Variants in PCSK5 observed in about 807,000 individuals in gnomAD.
The protein encoded by PCSK5 is proprotein convertase subtilisin/kexin type 5.
A neutral mutation model predicts 233.2 loss-of-function variants in PCSK5; 129 were observed. That is an observed-to-expected ratio of 0.55 (90% CI 0.48 to 0.64). The LOEUF (loss-of-function observed/expected upper bound fraction) is 0.64, where lower values mean the gene tolerates loss of function less well. PCSK5 is among the 30% of genes least tolerant of loss of function. PCSK5 has a pLI of 0.00. For synonymous variants in PCSK5, 825 were observed against 879.2 expected, an observed-to-expected ratio of 0.94 and a Z score of 1.09; for missense variants, 2,076 against 2,430.1, an observed-to-expected ratio of 0.85 and a Z score of 3.06.
chr9:76,073,069 T>C (rs1269590777), intron 7 of PCSK5, among the ~76,000 whole-genome samples: 1 of 152,234 alleles, frequency 6.6e-6, no homozygotes, highest in Non-Finnish European at 1.5e-5. Flanking sequence ...CATTGCATTC[T>C]AGTGAGTATT....
chr9:75,922,127 T>A (rs1239440180), intron 1 of PCSK5, among the ~76,000 whole-genome samples: 1 of 152,186 alleles, frequency 6.6e-6, no homozygotes, highest in Non-Finnish European at 1.5e-5. Context: ...AATAGATGAA[T>A]GTCTGATAGT....
chr9:76,055,567 G>T lies in PCSK5; in HGVS notation c.633-12388G>T, dbSNP rs191391761. On this transcript the variant is annotated intron_variant, in intron 5 of 37. Coordinates refer to ENST00000674117, the MANE Select transcript of PCSK5 (RefSeq NM_001372043.1). ...AAAAATACAACTTAATTTTGTGGAG[G>T]TTCAGTAAAATATACTATCAAATAT... Among the ~76,000 whole-genome samples the T allele has an allele frequency of 2.0e-5, 3 of 152,062 alleles. No homozygotes were observed. In the East Asian group the frequency reaches 5.8e-4, roughly 29 times the overall value.
At chr9:76,039,871 A>G (rs142981981) in intron 5 of PCSK5, among the ~76,000 whole-genome samples, 213 of 152,326 alleles carry the variant, frequency 1.4e-3, no homozygotes, top group Middle Eastern at 0.01. Flanking sequence ...CAGCAGGGTC[A>G]TTATGTGTTT....
intron 30 of PCSK5, among the ~76,000 whole-genome samples, chr9:76,312,591 T>C (rs760536516): frequency 3.3e-5 from 5 of 151,732 alleles, no homozygotes; most frequent in East Asian, 1.9e-4. Flanking sequence ...ATAGACTCTA[T>C]AGAGTATAAA....
chr9:75,902,233 AAAAAAAAAAAGAAAAG>A (rs1275160973), intron 1 of PCSK5, among the ~76,000 whole-genome samples: 2 of 149,402 alleles, frequency 1.3e-5, no homozygotes, highest in African/African-American at 4.9e-5. Context: ...AAAAAAAAAA[AAAAAAAAAAAGAAAAG>A]GACAAAACAA....
At chr9:76,064,214 C>G (rs868306981) in intron 5 of PCSK5, among the ~76,000 whole-genome samples, 4,355 of 101,814 alleles carry the variant, frequency 0.043, 135 homozygotes, top group Non-Finnish European at 0.059. Flanking sequence ...CCGGACGGGG[C>G]GGCTGGCCGG....
intron 10 of PCSK5, among the ~76,000 whole-genome samples, chr9:76,156,288 C>G (rs1043730414): frequency 6.6e-6 from 1 of 152,144 alleles, no homozygotes; most frequent in Non-Finnish European, 1.5e-5. Context: ...GTTTCTGAGA[C>G]AGTTATGTCA....
chr9:76,155,864 G>A (rs1822552928), intron 10 of PCSK5, among the ~76,000 whole-genome samples: 1 of 152,148 alleles, frequency 6.6e-6, no homozygotes, highest in African/African-American at 2.4e-5. Context: ...AAAGAAAGAG[G>A]GGTTGTCAGG....
chr9:75,928,532 C>A lies in PCSK5; in HGVS notation c.193-3847C>A, dbSNP rs191982768. ...TGTTGAAAGAATATAAAAGATAATT[C>A]TCTTCAGTAAGGGACATGCATATTA... is the stretch of plus-strand genomic sequence containing the variant. On this transcript the variant is annotated intron_variant, in intron 1 of 37. Coordinates refer to ENST00000674117, the MANE Select transcript of PCSK5 (RefSeq NM_001372043.1). 4.3e-3 allele frequency among the ~76,000 whole-genome samples: 618 copies of A among 144,936 alleles called. 7 individuals are homozygous for A. The highest frequency in any genetic ancestry group is 0.014 in the African/African-American group (550 of 38,964).
intron 24 of PCSK5, among the ~76,000 whole-genome samples, chr9:76,266,798 C>A (rs1827346678): frequency 6.6e-6 from 1 of 152,110 alleles, no homozygotes; most frequent in Non-Finnish European, 1.5e-5. Context: ...TCTCTGGAAG[C>A]AAAGGAAACA....
At chr9:76,264,180 C>A (rs1384169987) in intron 24 of PCSK5, among the ~76,000 whole-genome samples, 1 of 152,088 alleles carries the variant, frequency 6.6e-6, no homozygotes, top group Non-Finnish European at 1.5e-5. Flanking sequence ...TGCTCTGCAA[C>A]AAAATTGACA....
At chr9:75,926,974 G>C (rs1429523560) in intron 1 of PCSK5, among the ~76,000 whole-genome samples, 2 of 152,036 alleles carry the variant, frequency 1.3e-5, no homozygotes, top group African/African-American at 2.4e-5. Flanking sequence ...AATTTCTTTT[G>C]GGTAAATACC....
At chr9:76,273,538 G>C (rs1176107066) in intron 24 of PCSK5, among the ~76,000 whole-genome samples, 1 of 142,476 alleles carries the variant, frequency 7.0e-6, no homozygotes, top group Non-Finnish European at 1.5e-5. Flanking sequence ...ACTGTGATGA[G>C]TCTTCTTATA....
chr9:76,006,859 C>A (rs1474922115), intron 3 of PCSK5, among the ~76,000 whole-genome samples: 1 of 152,174 alleles, frequency 6.6e-6, no homozygotes, highest in East Asian at 1.9e-4. Flanking sequence ...TTTTCCCCTG[C>A]AGGTAACCCT....
At chr9:76,334,604 G>T (rs899024860) in intron 34 of PCSK5, among the ~76,000 whole-genome samples, 14 of 152,164 alleles carry the variant, frequency 9.2e-5, no homozygotes, top group Admixed American at 9.2e-4. Context: ...GGTGGCACGT[G>T]CCTGTCATCC....
chr9:75,984,593 G>A (rs2131389902), intron 2 of PCSK5, among the ~76,000 whole-genome samples: 1 of 152,312 alleles, frequency 6.6e-6, no homozygotes, highest in East Asian at 1.9e-4. Flanking sequence ...AATAGTCTAA[G>A]TAATACAGTG....
At chr9:76,097,027 G>C (rs962757546) in intron 8 of PCSK5, among the ~76,000 whole-genome samples, 5 of 151,294 alleles carry the variant, frequency 3.3e-5, no homozygotes, top group African/African-American at 7.3e-5. Context: ...TGCCCCCCGG[G>C]TTCAAGTGAT....
At chr9:76,308,412 G>A (rs569611701) in intron 28 of PCSK5, among the ~76,000 whole-genome samples, 42 of 152,238 alleles carry the variant, frequency 2.8e-4, no homozygotes, top group Non-Finnish European at 5.0e-4. Context: ...CCACACATTC[G>A]TGTGGTATCT....
intron 3 of PCSK5, among the ~76,000 whole-genome samples, chr9:75,999,310 A>G (rs1263734938): frequency 6.6e-6 from 1 of 151,982 alleles, no homozygotes; most frequent in Non-Finnish European, 1.5e-5. Flanking sequence ...ACCCTAACCC[A>G]GCGGGGCTAG....
Sources: gnomAD v4.1 joint callset for allele counts (sites outside exome capture counted in the v4.1 genomes callset) on GRCh38, gnomAD v4.1.1 for gene constraint, MANE v1.5 for transcripts, NCBI Gene and HGNC (gene_info 2026-07-23, HGNC 2026-07-21) for gene names.